The following BLOC1S5 variants were observed in gnomAD, a reference collection of about 807,000 sequenced individuals.
BLOC1S5 encodes the protein biogenesis of lysosomal organelles complex 1 subunit 5.
BLOC1S5 carries 27 observed loss-of-function variants against 24.3 expected under a neutral mutation model. That is an observed-to-expected ratio of 1.11 (90% CI 0.82 to 1.53). The LOEUF (loss-of-function observed/expected upper bound fraction) is 1.53. Among genes scored for constraint, BLOC1S5 ranks in the 40% most tolerant of loss-of-function variants. The pLI is 0.00. For missense variants in BLOC1S5, 239 were observed against 229.4 expected (o/e 1.04, Z -0.27); for synonymous variants, 84 against 74.5 (o/e 1.13, Z -0.66).
At chr6:8,026,230 C>T (rs1763098370) in intron 4 of BLOC1S5, 137 bp downstream of exon 4, 4 of 651,108 alleles carry the variant, frequency 6.1e-6, no homozygotes, top group South Asian at 1.9e-5. Context: ...CTCCTCAACA[C>T]ATCTTCAATG....
At chr6:8,056,834 T>C (rs997644726) in intron 2 of BLOC1S5, among the ~76,000 whole-genome samples, 4 of 152,258 alleles carry the variant, frequency 2.6e-5, no homozygotes, top group African/African-American at 9.6e-5. Flanking sequence ...TTTAAAGGGT[T>C]ATTTATTGTA....
Position 8,049,692 on chromosome 6 carries a change from C to T in BLOC1S5, c.196-8424G>A, listed in dbSNP as rs183292269. Reference sequence around the variant, plus strand: ...CATGCATATATAAATGCATACATGTCAATGTGTATATAATTATGTATATAC... The same window carrying T: ...CATGCATATATAAATGCATACATGTTAATGTGTATATAATTATGTATATAC... On this transcript the variant is annotated intron_variant, in intron 2 of 4. Transcript: ENST00000397457. Among the ~76,000 whole-genome samples the T allele has an allele frequency of 3.7e-4, 57 of 152,040 alleles. No individual in the cohort carries two copies. In the Middle Eastern group the frequency reaches 0.01, roughly 27 times the overall value.
At position 8,064,346 on chromosome 6, in the gene BLOC1S5, C is replaced by A; in HGVS notation, c.31G>T (p.Gly11Cys). 1.2e-6 allele frequency: 2 copies of A among 1,612,458 alleles called. No homozygotes were observed. Among genetic ancestry groups the A allele is most frequent in the Non-Finnish European group, 1.7e-6 (2 of 1,179,862 alleles). The change falls in exon 1 of 5, where the codon GGT (glycine) becomes TGT (cysteine). Residue 11 changes from glycine to cysteine, a missense_variant. Gly to Cys is a radical substitution (Grantham distance 159). Transcript: ENST00000397457. Reference sequence around the variant, plus strand: ...CCACCGCCCGGGGCGGCCTCACAACCCACAGGGGTCTCTGTCCCTCCGCCA... The same window carrying A: ...CCACCGCCCGGGGCGGCCTCACAACACACAGGGGTCTCTGTCCCTCCGCCA... MSGGGTETPV[G>C]CEAAPGGGSK... is the part of the protein sequence containing the mutation.
intron 2 of BLOC1S5, among the ~76,000 whole-genome samples, chr6:8,047,092 T>C (rs531562824): frequency 1.3e-5 from 2 of 151,966 alleles, no homozygotes; most frequent in Admixed American, 1.3e-4. Flanking sequence ...TCTCAACATA[T>C]ATTAATATCT....
chr6:8,051,184 C>CAA (rs35217854), intron 2 of BLOC1S5, among the ~76,000 whole-genome samples: 4,717 of 139,838 alleles, frequency 0.034, 232 homozygotes, highest in African/African-American at 0.11. Flanking sequence ...GATTCCATCT[C>CAA]AAAAAAAAAA....
chr6:8,026,755 T>C (rs1388867645), intron 3 of BLOC1S5, among the ~76,000 whole-genome samples: 1 of 152,218 alleles, frequency 6.6e-6, no homozygotes, highest in East Asian at 1.9e-4. Context: ...AACTTTCTAC[T>C]ATTCTTGCCT....
At chr6:8,056,092 GAC>G (rs1764295394) in intron 2 of BLOC1S5, among the ~76,000 whole-genome samples, 1 of 152,150 alleles carries the variant, frequency 6.6e-6, no homozygotes, top group African/African-American at 2.4e-5. Context: ...ACCATAGGAT[GAC>G]ATAGTCAGAA....
intron 2 of BLOC1S5, among the ~76,000 whole-genome samples, chr6:8,053,553 T>C (rs2743995): frequency 0.44 from 67,013 of 152,070 alleles, 15,884 homozygotes; most frequent in East Asian, 0.8. Context: ...TTAGACATAA[T>C]GCTACTGCAA....
chr6:8,060,394 A>G (rs1451347353), intron 2 of BLOC1S5, among the ~76,000 whole-genome samples: 1 of 152,240 alleles, frequency 6.6e-6, no homozygotes, highest in Admixed American at 6.5e-5. Context: ...AAGTAGAGCC[A>G]AGGAGCTGGA....
At chr6:8,054,170 C>T (rs1252622564) in intron 2 of BLOC1S5, 2 of 391,514 alleles carry the variant, frequency 5.1e-6, no homozygotes, top group East Asian at 7.7e-5. Flanking sequence ...CCCAGCTTTT[C>T]CCTCCTTTTT....
chr6:8,049,717 C>CTT (rs1026280075), intron 2 of BLOC1S5, among the ~76,000 whole-genome samples: 2 of 146,924 alleles, frequency 1.4e-5, no homozygotes, highest in East Asian at 2.0e-4. Context: ...TATGTATATA[C>CTT]TTTTTTTTTT....
chr6:8,020,783 A>G (rs1230029421), intron 4 of BLOC1S5, among the ~76,000 whole-genome samples: 1 of 152,242 alleles, frequency 6.6e-6, no homozygotes, highest in Non-Finnish European at 1.5e-5. Context: ...AAAAATAAAG[A>G]AATTAGAAAA....
At chr6:8,049,139 G>C (rs1390774843) in intron 2 of BLOC1S5, among the ~76,000 whole-genome samples, 3 of 151,650 alleles carry the variant, frequency 2.0e-5, no homozygotes, top group African/African-American at 7.3e-5. Flanking sequence ...GGGAGGCCGA[G>C]ATGGGCAGAT....
chr6:8,058,903 CT>C (rs1239481624), intron 2 of BLOC1S5, among the ~76,000 whole-genome samples: 6 of 152,192 alleles, frequency 3.9e-5, no homozygotes, highest in African/African-American at 1.4e-4. Flanking sequence ...AAACACATTC[CT>C]TACTGATATA....
chr6:8,048,471 A>T (rs1407839514), intron 2 of BLOC1S5, among the ~76,000 whole-genome samples: 1 of 151,692 alleles, frequency 6.6e-6, no homozygotes, highest in Non-Finnish European at 1.5e-5. Flanking sequence ...GTTCATACTG[A>T]TAGTCAAACT....
intron 1 of BLOC1S5, among the ~76,000 whole-genome samples, chr6:8,063,773 G>C (rs111943878): frequency 0.016 from 2,507 of 152,252 alleles, 64 homozygotes; most frequent in African/African-American, 0.056. Context: ...AGAACACATG[G>C]ACATTTCTGA....
At chr6:8,041,697 A>C (rs1230761740) in intron 2 of BLOC1S5, 1 of 134,348 alleles carries the variant, frequency 7.4e-6, no homozygotes, top group Non-Finnish European at 1.5e-5. Context: ...CCCAGACTGG[A>C]GTGCGGTGGC....
chr6:8,063,655 C>T (rs760841373), intron 1 of BLOC1S5, among the ~76,000 whole-genome samples: 14 of 152,230 alleles, frequency 9.2e-5, no homozygotes, highest in South Asian at 2.1e-4. Context: ...TACAACTCAA[C>T]TGTCAAAGAC....
At chr6:8,018,458 G>A (rs1762813839) in intron 4 of BLOC1S5, among the ~76,000 whole-genome samples, 2 of 152,156 alleles carry the variant, frequency 1.3e-5, no homozygotes, top group Non-Finnish European at 1.5e-5. Context: ...CATTGGCTCA[G>A]CTGACCTTGT....
Sources: allele counts gnomAD v4.1 joint callset (sites outside exome capture counted in the v4.1 genomes callset), GRCh38; gene constraint gnomAD v4.1.1; transcripts MANE v1.5; gene names NCBI Gene and HGNC (gene_info 2026-07-23, HGNC 2026-07-21).